TNIK: variants seen among roughly 807,000 people sequenced by gnomAD.
TNIK encodes the protein TRAF2 and NCK interacting kinase.
A neutral mutation model predicts 191.3 loss-of-function variants in TNIK; 49 were observed. The ratio of observed to expected loss-of-function variants is 0.26; its 90% CI spans 0.20 to 0.32. The LOEUF (loss-of-function observed/expected upper bound fraction) is 0.32, where lower values mean the gene tolerates loss of function less well. Ranked by LOEUF, TNIK falls within the 10% of genes least tolerant of loss-of-function variation. The pLI, the probability that TNIK is intolerant of heterozygous loss-of-function variation, is 1.00. For synonymous variants in TNIK, 594 were observed against 600.9 expected, an observed-to-expected ratio of 0.99 and a Z score of 0.17; for missense variants, 1,155 against 1,702.3, an observed-to-expected ratio of 0.68 and a Z score of 5.66.
rs146986461 is a variant in TNIK at position 171,422,021 on chromosome 3, C to T, written c.57+37986G>A. Among the ~76,000 whole-genome samples the T allele has an allele frequency of 7.6e-4, 115 of 152,112 alleles. 1 individual carries two copies. The highest frequency in any genetic ancestry group is 6.9e-3 in the Admixed American group (105 of 15,278). ...CTGAGATTACAGGTGTGACCTACCA[C>T]GCCCGACCAGTTGTGTAAATGAGAC... On this transcript the variant is annotated intron_variant, in intron 1 of 32. Transcript: ENST00000436636.
At chr3:171,149,088 A>T (rs1187709704) in intron 12 of TNIK, among the ~76,000 whole-genome samples, 3 of 152,274 alleles carry the variant, frequency 2.0e-5, no homozygotes, top group Non-Finnish European at 4.4e-5. Context: ...TTTAAATGTC[A>T]TGTGAAATAA....
At chr3:171,268,581 G>C (rs745670277) in intron 2 of TNIK, among the ~76,000 whole-genome samples, 6 of 151,992 alleles carry the variant, frequency 3.9e-5, no homozygotes, top group Admixed American at 1.3e-4. Context: ...CTGATGTCCA[G>C]CTCTGGTTTT....
At chr3:171,117,958 A>C (rs1348984607) in intron 18 of TNIK, among the ~76,000 whole-genome samples, 1 of 152,110 alleles carries the variant, frequency 6.6e-6, no homozygotes, top group Non-Finnish European at 1.5e-5. Context: ...TGACAGAGCA[A>C]GACTCCGTCT....
In TNIK at chr3:171,401,667, C is replaced by T. The variant is rs144126061; in HGVS notation, c.58-31982G>A. Among the ~76,000 whole-genome samples the T allele has an allele frequency of 1.4e-3, 217 of 152,106 alleles. 3 individuals carry two copies. Among genetic ancestry groups the T allele is most frequent in the Middle Eastern group, 3.4e-3 (1 of 294 alleles). On this transcript the variant is annotated intron_variant, in intron 1 of 32. Coordinates refer to ENST00000436636, the MANE Select transcript of TNIK (RefSeq NM_015028.4). ...AATGTCTAGGAGCATCAAGGTACAT[C>T]GTGGAGTGATTTTTCCCAGGAGGGT...
chr3:171,310,134 T>C (rs1452132976), intron 2 of TNIK, among the ~76,000 whole-genome samples: 1 of 152,130 alleles, frequency 6.6e-6, no homozygotes, highest in Non-Finnish European at 1.5e-5. Flanking sequence ...AAAATTGAAA[T>C]GATCCATGAT....
chr3:171,206,224 A>T (rs1740051643), intron 4 of TNIK, among the ~76,000 whole-genome samples: 1 of 151,882 alleles, frequency 6.6e-6, no homozygotes, highest in Non-Finnish European at 1.5e-5. Context: ...GCCAGTATAT[A>T]TATGTATCTA....
chr3:171,320,957 A>T (rs1755109847), intron 2 of TNIK, among the ~76,000 whole-genome samples: 1 of 152,218 alleles, frequency 6.6e-6, no homozygotes, highest in Non-Finnish European at 1.5e-5. Context: ...AATCAAATGC[A>T]GCATACTCCA....
In TNIK at chr3:171,063,807, G is replaced by T; in HGVS notation, c.*74C>A. On this transcript the variant is annotated 3_prime_UTR_variant, in exon 33 of 33. Coordinates refer to ENST00000436636, the MANE Select transcript of TNIK (RefSeq NM_015028.4). Reference sequence around the variant, plus strand: ...GCCTTCTGATTCTGCCTCTAGACTGGCATAAGTCCACATGAGTTATGTTCT... The same window carrying T: ...GCCTTCTGATTCTGCCTCTAGACTGTCATAAGTCCACATGAGTTATGTTCT... The T allele has an allele frequency of 1.4e-6, 2 of 1,476,382 alleles. No individual in the cohort carries two copies. Among genetic ancestry groups the T allele is most frequent in the South Asian group, 1.2e-5 (1 of 82,160 alleles). 91.5% of individuals were successfully genotyped at this position (1,476,382 alleles called of 1,614,324 possible).
rs1192142064 is a variant in TNIK at position 171,366,656 on chromosome 3, AC to A, written c.123+2963del. Among the ~76,000 whole-genome samples the A allele has an allele frequency of 6.6e-6, 1 of 152,192 alleles. No individual in the cohort carries two copies. Among genetic ancestry groups the A allele is most frequent in the Non-Finnish European group, 1.5e-5 (1 of 68,038 alleles). Reference sequence around the variant, plus strand: ...TCCATATACTTATTCATAAAATTATACCTGACTTTATGAAAACCAGGAATGC... The same window carrying A: ...TCCATATACTTATTCATAAAATTATACTGACTTTATGAAAACCAGGAATGC... On this transcript the variant is annotated intron_variant, in intron 2 of 32. Coordinates refer to ENST00000436636, the MANE Select transcript of TNIK (RefSeq NM_015028.4). The surrounding 1 kb of genome is among the most constrained non-coding windows in gnomAD (Gnocchi z 4.1).
intron 2 of TNIK, among the ~76,000 whole-genome samples, chr3:171,361,889 A>G (rs1715032844): frequency 6.6e-6 from 1 of 152,122 alleles, no homozygotes; most frequent in Non-Finnish European, 1.5e-5. Context: ...TTATATTCTA[A>G]TTTTACAGAT....
chr3:171,294,219 ACT>A (rs1560386440), intron 2 of TNIK, among the ~76,000 whole-genome samples: 1 of 147,170 alleles, frequency 6.8e-6, no homozygotes, highest in Non-Finnish European at 1.5e-5. Context: ...ACAGAGTGAG[ACT>A]CTGTCTCAAA....
chr3:171,225,481 G>A, intron 3 of TNIK: 2 of 444,498 alleles, frequency 4.5e-6, no homozygotes, highest in Middle Eastern at 3.3e-4. Context: ...ATACTATAAA[G>A]CATCCACTCT....
At chr3:171,452,285 G>A (rs1728254986) in intron 1 of TNIK, among the ~76,000 whole-genome samples, 3 of 152,148 alleles carry the variant, frequency 2.0e-5, no homozygotes, top group South Asian at 2.1e-4. Flanking sequence ...GCTCATTGAG[G>A]TGCACAGTTT....
intron 2 of TNIK, among the ~76,000 whole-genome samples, chr3:171,308,916 T>A (rs1051776279): frequency 6.6e-6 from 1 of 152,120 alleles, no homozygotes; most frequent in East Asian, 1.9e-4. Context: ...GACAAGGCTG[T>A]AAAGAAAAGG....
intron 18 of TNIK, among the ~76,000 whole-genome samples, chr3:171,119,239 T>A (rs1240816293): frequency 2.0e-5 from 3 of 152,088 alleles, no homozygotes; most frequent in Non-Finnish European, 4.4e-5. Flanking sequence ...AAAACCACAA[T>A]GAGATACCAT....
At chr3:171,407,131 T>C (rs1363448418) in intron 1 of TNIK, among the ~76,000 whole-genome samples, 1 of 151,872 alleles carries the variant, frequency 6.6e-6, no homozygotes, top group Non-Finnish European at 1.5e-5. Flanking sequence ...TCCACTGGTA[T>C]GTGGGTGAAA....
intron 2 of TNIK, among the ~76,000 whole-genome samples, chr3:171,360,907 C>A (rs1046010457): frequency 6.6e-6 from 1 of 152,222 alleles, no homozygotes; most frequent in Non-Finnish European, 1.5e-5. Flanking sequence ...TCTCTCCACC[C>A]AGAGACTTCA....
chr3:171,272,233 T>A lies in TNIK; in HGVS notation c.124-44012A>T, dbSNP rs576902135. Among the ~76,000 whole-genome samples the A allele has an allele frequency of 2.0e-5, 3 of 152,334 alleles. No individual in the cohort carries two copies. In the South Asian group the frequency reaches 6.2e-4, roughly 32 times the overall value. ...CTGGAGCCATGACTGGTGTTGGGAC[T>A]AACAAAGTCCTCCTGTTGAGGTCTG... is the stretch of plus-strand genomic sequence containing the variant. On this transcript the variant is annotated intron_variant, in intron 2 of 32. Transcript: ENST00000436636.
At chr3:171,417,177 A>T (rs1723192881) in intron 1 of TNIK, among the ~76,000 whole-genome samples, 1 of 152,246 alleles carries the variant, frequency 6.6e-6, no homozygotes, top group Admixed American at 6.5e-5. Flanking sequence ...TAACAATAAA[A>T]CTACTCTTTG....
Sources: gnomAD v4.1 joint callset for allele counts (sites outside exome capture counted in the v4.1 genomes callset) on GRCh38, gnomAD v4.1.1 for gene constraint, Gnocchi (gnomAD v3.1) non-coding constraint, MANE v1.5 for transcripts, NCBI Gene and HGNC (gene_info 2026-07-23, HGNC 2026-07-21) for gene names.